Variants in NALF1 observed in about 807,000 individuals in gnomAD.
The protein encoded by NALF1 is NALCN channel auxiliary factor 1, also known as family with sequence similarity 155 member A.
A neutral mutation model predicts 48.4 loss-of-function variants in NALF1; 3 were observed. The observed-to-expected ratio is 0.06, with a 90% CI of 0.03 to 0.16. The LOEUF is 0.16. Among genes scored for constraint, NALF1 ranks in the 10% least tolerant of loss-of-function variants. The probability of loss-of-function intolerance (pLI) is 1.00; values close to 1 mark genes in which losing one functional copy is unlikely to be tolerated. For missense variants in NALF1, 526 were observed against 571.5 expected, an observed-to-expected ratio of 0.92 and a Z score of 0.81; for synonymous variants, 262 against 245.7, an observed-to-expected ratio of 1.07 and a Z score of -0.62.
chr13:107,492,301 G>A (rs892385837), intron 1 of NALF1, among the ~76,000 whole-genome samples: 4 of 151,806 alleles, frequency 2.6e-5, no homozygotes, highest in African/African-American at 7.3e-5. Flanking sequence ...AGCCCGCTTC[G>A]GCCTTCCAAA....
rs144122696 is a variant in NALF1, at chr13:107,758,610, A to G, written c.915+107072T>C. Among the ~76,000 whole-genome samples, 27 of 152,204 alleles carry G rather than the reference A, an allele frequency of 1.8e-4. 1 individual carries two copies. In the East Asian group the frequency reaches 4.6e-3, roughly 26 times the overall value. On this transcript the variant is annotated intron_variant, in intron 1 of 2. Coordinates refer to ENST00000375915, the MANE Select transcript of NALF1 (RefSeq NM_001080396.3). ...GTGGCAGGCACCTGTAGTACCAGCTACTCGGGAGGCTGACACAGGAGAATG... is the reference window on the plus strand; with the variant it reads ...GTGGCAGGCACCTGTAGTACCAGCTGCTCGGGAGGCTGACACAGGAGAATG...
intron 1 of NALF1, among the ~76,000 whole-genome samples, chr13:107,790,547 G>A (rs1878200779): frequency 6.6e-6 from 1 of 152,104 alleles, no homozygotes; most frequent in South Asian, 2.1e-4. Context: ...ATAAAACAGG[G>A]CTGAAATCTG....
intron 1 of NALF1, among the ~76,000 whole-genome samples, chr13:107,453,968 G>A (rs1364278203): frequency 6.6e-6 from 1 of 152,112 alleles, no homozygotes; most frequent in Non-Finnish European, 1.5e-5. Context: ...CAGTCTCCTT[G>A]CTATAGCATA....
chr13:107,300,271 T>C (rs1022519283), intron 1 of NALF1, among the ~76,000 whole-genome samples: 141 of 152,362 alleles, frequency 9.3e-4, no homozygotes, highest in African/African-American at 3.2e-3. Flanking sequence ...CGTCCTGTTC[T>C]CTCATCTCTA....
chr13:107,721,704 C>T (rs555221209), intron 1 of NALF1, among the ~76,000 whole-genome samples: 10 of 152,248 alleles, frequency 6.6e-5, no homozygotes, highest in Admixed American at 1.3e-4. Flanking sequence ...GAGGGATGGA[C>T]GCTGGGGAGA....
intron 1 of NALF1, among the ~76,000 whole-genome samples, chr13:107,783,672 C>G (rs946454130): frequency 1.3e-5 from 2 of 151,630 alleles, no homozygotes; most frequent in African/African-American, 2.4e-5. Context: ...GCAGCATGCT[C>G]GTTAAGAGTC....
intron 1 of NALF1, among the ~76,000 whole-genome samples, chr13:107,401,704 AC>A (rs1213267303): frequency 1.6e-4 from 24 of 148,822 alleles, no homozygotes; most frequent in Admixed American, 1.3e-3. Context: ...AAAAAAAAAA[AC>A]AATGTTGAAT....
intron 1 of NALF1, among the ~76,000 whole-genome samples, chr13:107,832,928 CTCT>C (rs1297382400): frequency 2.0e-5 from 3 of 152,204 alleles, no homozygotes; most frequent in African/African-American, 7.2e-5. Context: ...ACACTCCAAT[CTCT>C]TCTTCTTCAG....
At chr13:107,612,825 C>A (rs548127883) in intron 1 of NALF1, among the ~76,000 whole-genome samples, 56 of 152,180 alleles carry the variant, frequency 3.7e-4, no homozygotes, top group Admixed American at 2.7e-3. Context: ...CATAATCACA[C>A]GAGACATATT....
At chr13:107,502,848 A>G (rs1875566024) in intron 1 of NALF1, among the ~76,000 whole-genome samples, 1 of 152,210 alleles carries the variant, frequency 6.6e-6, no homozygotes, top group Non-Finnish European at 1.5e-5. Flanking sequence ...TTTCTTTAAA[A>G]AAATACAAAT....
intron 1 of NALF1, among the ~76,000 whole-genome samples, chr13:107,396,749 C>T (rs1324134844): frequency 6.6e-6 from 1 of 152,166 alleles, no homozygotes; most frequent in African/African-American, 2.4e-5. Flanking sequence ...TAAGCACAGT[C>T]CTCTCTCACC....
chr13:107,576,345 A>G (rs1381528523), intron 1 of NALF1, among the ~76,000 whole-genome samples: 1 of 152,178 alleles, frequency 6.6e-6, no homozygotes, highest in Non-Finnish European at 1.5e-5. Context: ...TTACCTGAAA[A>G]CAAAGAAAAG....
intron 2 of NALF1, among the ~76,000 whole-genome samples, chr13:107,177,097 GAAAT>G (rs1878955065): frequency 6.6e-6 from 1 of 151,604 alleles, no homozygotes; most frequent in Admixed American, 6.6e-5. Context: ...ATCTGAAAAA[GAAAT>G]AAAGAAAGTT....
chr13:107,665,032 T>C (rs1566435789), intron 1 of NALF1, among the ~76,000 whole-genome samples: 1 of 152,060 alleles, frequency 6.6e-6, no homozygotes, highest in African/African-American at 2.4e-5. Context: ...AGCAAACATA[T>C]AATGGTTACT....
In NALF1 at chr13:107,593,818, G is replaced by GAAAAA. The variant is rs56053087; in HGVS notation, c.915+271859_915+271863dup. Reference sequence around the variant, plus strand: ...ACTGCTTCTGGAATGTTTTCAACAGGAAAAAAAAAAAAACAGAAACGGAAA... The same window carrying GAAAAA: ...ACTGCTTCTGGAATGTTTTCAACAGGAAAAAAAAAAAAAAAAAACAGAAACGGAAA... On this transcript the variant is annotated intron_variant, in intron 1 of 2. Coordinates refer to ENST00000375915, the MANE Select transcript of NALF1 (RefSeq NM_001080396.3). Among the ~76,000 whole-genome samples the GAAAAA allele has an allele frequency of 6.2e-5, 9 of 146,274 alleles. No homozygotes were observed. In the East Asian group the frequency reaches 1.4e-3, roughly 23 times the overall value.
At chr13:107,664,609 C>T (rs1056046711) in intron 1 of NALF1, among the ~76,000 whole-genome samples, 1 of 152,184 alleles carries the variant, frequency 6.6e-6, no homozygotes, top group African/African-American at 2.4e-5. Flanking sequence ...GAGAAAATGA[C>T]TTCTCTCCTA....
At chr13:107,856,318 A>C (rs139528309) in intron 1 of NALF1, among the ~76,000 whole-genome samples, 264 of 152,322 alleles carry the variant, frequency 1.7e-3, no homozygotes, top group African/African-American at 5.8e-3. Context: ...CCAATGGAGA[A>C]AGGTCATATG....
At chr13:107,463,952 A>G (rs996518966) in intron 1 of NALF1, among the ~76,000 whole-genome samples, 1 of 152,214 alleles carries the variant, frequency 6.6e-6, no homozygotes, top group East Asian at 1.9e-4. Context: ...AATCGTTTCA[A>G]TAATAGATCT....
At chr13:107,388,868 T>C (rs1594150177) in intron 1 of NALF1, among the ~76,000 whole-genome samples, 1 of 152,078 alleles carries the variant, frequency 6.6e-6, no homozygotes, top group East Asian at 1.9e-4. Flanking sequence ...AGAATTGTTG[T>C]AGAGCAAAAA....
Sources: allele counts gnomAD v4.1 joint callset (sites outside exome capture counted in the v4.1 genomes callset), GRCh38; gene constraint gnomAD v4.1.1; transcripts MANE v1.5; gene names NCBI Gene and HGNC (gene_info 2026-07-23, HGNC 2026-07-21).